The following PLA2G4A variants were observed in gnomAD, a reference collection of about 807,000 sequenced individuals.
PLA2G4A encodes phospholipase A2 group IVA, also known as cytosolic phospholipase A2.
A neutral mutation model predicts 81.9 loss-of-function variants in PLA2G4A; 40 were observed. That is an observed-to-expected ratio of 0.49 (90% CI 0.38 to 0.64). The LOEUF (loss-of-function observed/expected upper bound fraction) is 0.64. Ranked by LOEUF, PLA2G4A falls within the 30% of genes least tolerant of loss-of-function variation. PLA2G4A has a pLI of 0.00. For synonymous variants in PLA2G4A, 302 were observed against 296.9 expected (o/e 1.02, Z -0.18); for missense variants, 715 against 905.1 (o/e 0.79, Z 2.69).
Position 186,890,912 on chromosome 1 carries a change from C to G in PLA2G4A, c.116-2099C>G, listed in dbSNP as rs145995285. Among the ~76,000 whole-genome samples the G allele has an allele frequency of 1.5e-3, 233 of 151,292 alleles. 1 individual carries two copies. The highest frequency in any genetic ancestry group is 5.3e-3 in the African/African-American group (217 of 41,244). On this transcript the variant is annotated intron_variant, in intron 3 of 17. Transcript: ENST00000367466. ...CTTCATAGAGACACCTCATTTCCAT[C>G]TGAATATTGCCATAATAAATACATG...
chr1:186,876,218 GTTTAT>G (rs1463204836), intron 3 of PLA2G4A, among the ~76,000 whole-genome samples: 3 of 152,106 alleles, frequency 2.0e-5, no homozygotes, highest in Admixed American at 1.3e-4. Context: ...TTTTTTAACG[GTTTAT>G]TTTGACAGTA....
intron 4 of PLA2G4A, 33 bp from the exon 5 acceptor site, chr1:186,894,065 T>C (rs1399267830): frequency 1.2e-6 from 1 of 861,702 alleles, no homozygotes; most frequent in Non-Finnish European, 2.0e-6. Flanking sequence ...CCATGGGAAA[T>C]TTTATTTTTG....
At chr1:186,913,181 A>G (rs1655024332) in intron 7 of PLA2G4A, among the ~76,000 whole-genome samples, 1 of 151,862 alleles carries the variant, frequency 6.6e-6, no homozygotes. Context: ...TTTGTATTCT[A>G]TATTTCTCTA....
intron 10 of PLA2G4A, among the ~76,000 whole-genome samples, chr1:186,945,812 C>T (rs976241830): frequency 9.9e-5 from 15 of 152,114 alleles, no homozygotes; most frequent in Non-Finnish European, 1.2e-4. Flanking sequence ...TAGACATAGT[C>T]GTAGCCATGG....
chr1:186,957,619 C>T (rs1463090520), intron 14 of PLA2G4A, among the ~76,000 whole-genome samples: 1 of 152,170 alleles, frequency 6.6e-6, no homozygotes, highest in African/African-American at 2.4e-5. Flanking sequence ...GTAAGCCAGC[C>T]TGTAGTGTTC....
intron 2 of PLA2G4A, among the ~76,000 whole-genome samples, chr1:186,857,391 A>G (rs1352808938): frequency 7.8e-6 from 1 of 128,392 alleles, no homozygotes; most frequent in African/African-American, 3.0e-5. Context: ...TAAATGTAAT[A>G]TAATATATAA....
At chr1:186,830,364 T>C (rs528689593) in intron 1 of PLA2G4A, among the ~76,000 whole-genome samples, 57 of 152,140 alleles carry the variant, frequency 3.7e-4, no homozygotes, top group Admixed American at 8.5e-4. Context: ...TACCAGCACT[T>C]TGGGAGGCCG....
chr1:186,847,416 G>C (rs1334007574), intron 1 of PLA2G4A, among the ~76,000 whole-genome samples: 1 of 150,970 alleles, frequency 6.6e-6, no homozygotes, highest in African/African-American at 2.4e-5. Flanking sequence ...ATTCTGCCCG[G>C]TTTTGTCAAT....
At chr1:186,886,794 A>G (rs1407175032) in intron 3 of PLA2G4A, among the ~76,000 whole-genome samples, 2 of 152,198 alleles carry the variant, frequency 1.3e-5, no homozygotes, top group African/African-American at 2.4e-5. Flanking sequence ...AATCTAGTCT[A>G]TGGGCAGAAT....
chr1:186,837,753 GAAAAA>G (rs1651839171), intron 1 of PLA2G4A, among the ~76,000 whole-genome samples: 1 of 118,168 alleles, frequency 8.5e-6, no homozygotes, highest in African/African-American at 3.4e-5. Flanking sequence ...AAAAAAAAAA[GAAAAA>G]GAAAAGAAAA....
At chr1:186,903,016 G>A (rs1362973113) in intron 5 of PLA2G4A, among the ~76,000 whole-genome samples, 1 of 152,112 alleles carries the variant, frequency 6.6e-6, no homozygotes, top group African/African-American at 2.4e-5. Flanking sequence ...TTTGCACTTG[G>A]ATTGCCTCCT....
At chr1:186,947,322 T>C (rs1656380824) in intron 12 of PLA2G4A, among the ~76,000 whole-genome samples, 1 of 152,080 alleles carries the variant, frequency 6.6e-6, no homozygotes, top group African/African-American at 2.4e-5. Flanking sequence ...CTAAATACAA[T>C]GTAACACTGA....
At chr1:186,945,051 A>G (rs1211545498) in intron 10 of PLA2G4A, among the ~76,000 whole-genome samples, 2 of 151,408 alleles carry the variant, frequency 1.3e-5, no homozygotes, top group African/African-American at 4.8e-5. Flanking sequence ...GAAAAGCTAG[A>G]AAAAAAAATG....
chr1:186,869,717 G>A (rs991863049), intron 2 of PLA2G4A, among the ~76,000 whole-genome samples: 2 of 152,262 alleles, frequency 1.3e-5, no homozygotes, highest in Non-Finnish European at 2.9e-5. Flanking sequence ...AGAAATGTTT[G>A]AGTTTTAGAT....
At chr1:186,852,282 G>A (rs965055893) in intron 1 of PLA2G4A, among the ~76,000 whole-genome samples, 28 of 151,838 alleles carry the variant, frequency 1.8e-4, no homozygotes, top group Non-Finnish European at 3.2e-4. Flanking sequence ...AGAAAGCAGC[G>A]GTTTTGCCAA....
intron 5 of PLA2G4A, among the ~76,000 whole-genome samples, chr1:186,895,540 A>G (rs1654305903): frequency 6.6e-6 from 1 of 152,260 alleles, no homozygotes; most frequent in Admixed American, 6.5e-5. Flanking sequence ...AATAAGGTAC[A>G]GGAAGTTCTT....
At chr1:186,868,336 C>T (rs1014790685) in intron 2 of PLA2G4A, among the ~76,000 whole-genome samples, 1 of 152,140 alleles carries the variant, frequency 6.6e-6, no homozygotes, top group Non-Finnish European at 1.5e-5. Context: ...CTTCCGCCTC[C>T]CAAAGTGCTG....
chr1:186,853,056 AT>A (rs916564747), intron 1 of PLA2G4A, among the ~76,000 whole-genome samples: 12 of 151,822 alleles, frequency 7.9e-5, no homozygotes, highest in African/African-American at 2.7e-4. Context: ...CTTTAAAAAC[AT>A]TTTTTTTCTT....
chr1:186,841,085 T>G (rs1311990386), intron 1 of PLA2G4A, among the ~76,000 whole-genome samples: 1 of 152,234 alleles, frequency 6.6e-6, no homozygotes, highest in Non-Finnish European at 1.5e-5. Flanking sequence ...TCTTCTATAT[T>G]TTCTGAAAAT....
Sources: allele counts gnomAD v4.1 joint callset (sites outside exome capture counted in the v4.1 genomes callset), GRCh38; gene constraint gnomAD v4.1.1; transcripts MANE v1.5; gene names NCBI Gene and HGNC (gene_info 2026-07-23, HGNC 2026-07-21).